The following SUN3 variants were observed in gnomAD, a reference collection of about 807,000 sequenced individuals.
The protein encoded by SUN3 is Sad1 and UNC84 domain containing 3.
SUN3 carries 36 observed loss-of-function variants against 48.2 expected under a neutral mutation model. The observed-to-expected ratio is 0.75, with a 90% CI of 0.57 to 0.99. The LOEUF is 0.99. Ranked by LOEUF, SUN3 falls within the 50% of genes least tolerant of loss-of-function variation. The pLI is 0.00. For synonymous variants in SUN3, 148 were observed against 147.9 expected (o/e 1.00, Z 0.00); for missense variants, 419 against 433.1 (o/e 0.97, Z 0.29).
At chr7:48,003,672 G>A (rs1789449886) in intron 6 of SUN3, among the ~76,000 whole-genome samples, 1 of 152,150 alleles carries the variant, frequency 6.6e-6, no homozygotes, top group African/African-American at 2.4e-5. Flanking sequence ...TGTGGCAATT[G>A]TGAATGGGAG....
intron 2 of SUN3, among the ~76,000 whole-genome samples, chr7:48,023,933 A>T (rs1790067139): frequency 6.6e-6 from 1 of 152,202 alleles, no homozygotes; most frequent in African/African-American, 2.4e-5. Context: ...AACCCATTCA[A>T]CTATAGCCAA....
chr7:48,007,877 G>T (rs1562606283), intron 4 of SUN3, among the ~76,000 whole-genome samples: 2 of 150,846 alleles, frequency 1.3e-5, no homozygotes, highest in Non-Finnish European at 2.9e-5. Context: ...AGGCTGGAGT[G>T]CAGTGGCGTG....
chr7:48,022,288 T>C (rs78320889), intron 2 of SUN3, among the ~76,000 whole-genome samples: 4,549 of 152,048 alleles, frequency 0.03, 225 homozygotes, highest in African/African-American at 0.1. Flanking sequence ...GTGTCGAAGA[T>C]GGAGGAGGTG....
Position 47,999,014 on chromosome 7 carries a change from G to T in SUN3, c.578-2868C>A, listed in dbSNP as rs139649314. 3.0e-3 allele frequency among the ~76,000 whole-genome samples: 453 copies of T among 152,174 alleles called. 5 individuals are homozygous for T. The highest frequency in any genetic ancestry group is 0.01 in the African/African-American group (422 of 41,524). On this transcript the variant is annotated intron_variant, in intron 6 of 9. Transcript: ENST00000297325. ...CCATTCCACATACATTTTGAAAATG[G>T]TTGTCAATTTCTACAAATAATCCTG...
intron 2 of SUN3, among the ~76,000 whole-genome samples, chr7:48,017,992 T>C (rs983145651): frequency 7.9e-5 from 12 of 152,156 alleles, no homozygotes; most frequent in African/African-American, 2.9e-4. Flanking sequence ...AGTCTCTTTC[T>C]GGAAAAAGGG....
chr7:48,008,973 G>A (rs962921635), intron 4 of SUN3, 62 bp downstream of exon 4: 34 of 1,515,518 alleles, frequency 2.2e-5, no homozygotes, highest in African/African-American at 2.8e-5. Flanking sequence ...TTTTCTGTAC[G>A]AAAACATTTC....
chr7:48,023,889 CAT>C (rs2128783570), intron 2 of SUN3, among the ~76,000 whole-genome samples: 1 of 152,256 alleles, frequency 6.6e-6, no homozygotes, highest in South Asian at 2.1e-4. Flanking sequence ...TAATGATAGA[CAT>C]ATAGACTAAT....
At chr7:48,024,763 C>T (rs1456769257) in intron 2 of SUN3, among the ~76,000 whole-genome samples, 1 of 152,076 alleles carries the variant, frequency 6.6e-6, no homozygotes, top group African/African-American at 2.4e-5. Context: ...CAAGAGAGAG[C>T]TGGGAGAAGT....
intron 2 of SUN3, among the ~76,000 whole-genome samples, chr7:48,019,802 G>C (rs1272095717): frequency 6.6e-6 from 1 of 151,668 alleles, no homozygotes; most frequent in African/African-American, 2.4e-5. Context: ...AAATCTCCCA[G>C]TAAAGAACAG....
At chr7:48,029,335 A>G (rs1790222722), upstream of SUN3, among the ~76,000 whole-genome samples, 1 of 152,252 alleles carries the variant, frequency 6.6e-6, no homozygotes, top group Admixed American at 6.5e-5. Context: ...AGAAAATATC[A>G]GAAATATAAT....
intron 9 of SUN3, 110 bp from the exon 10 acceptor site, chr7:47,987,559 G>T: frequency 1.9e-6 from 2 of 1,074,782 alleles, no homozygotes; most frequent in Middle Eastern, 3.3e-4. Flanking sequence ...TTCGAGATAG[G>T]ATCTGGCTCT....
chr7:48,012,161 A>G lies in SUN3; in HGVS notation c.289-3086T>C, dbSNP rs569977518. On this transcript the variant is annotated intron_variant, in intron 3 of 9. Transcript: ENST00000297325. ...TCATGACAAAGCCTATGTCAGGGAA[A>G]GCCTCATCAGATGTGAAAATGTCCA... Among the ~76,000 whole-genome samples, 31 of 152,344 alleles carry G rather than the reference A, an allele frequency of 2.0e-4. No individual in the cohort carries two copies. In the South Asian group the frequency reaches 5.6e-3, roughly 28 times the overall value.
chr7:47,994,235 G>A, intron 8 of SUN3, 80 bp downstream of exon 8: 3 of 1,381,660 alleles, frequency 2.2e-6, no homozygotes, highest in Non-Finnish European at 3.0e-6. Context: ...ATCTGTCCTA[G>A]TTCAGAGGAC....
chr7:48,000,460 G>A (rs2708883), intron 6 of SUN3, among the ~76,000 whole-genome samples: 66,108 of 152,086 alleles, frequency 0.43, 15,168 homozygotes, highest in Non-Finnish European at 0.51. Flanking sequence ...ACTCACAGAT[G>A]AGGCTGTTGC....
chr7:48,002,958 C>T (rs142108055), intron 6 of SUN3, among the ~76,000 whole-genome samples: 3,078 of 151,850 alleles, frequency 0.02, 92 homozygotes, highest in African/African-American at 0.07. Flanking sequence ...ATTGCCCTGG[C>T]CAGAACTTCT....
At chr7:47,995,896 AATGAG>A in intron 7 of SUN3, 130 bp downstream of exon 7, 1 of 526,876 alleles carries the variant, frequency 1.9e-6, no homozygotes, top group South Asian at 3.3e-5. Flanking sequence ...ATAAAAATAT[AATGAG>A]ATGATTTCAG....
intron 2 of SUN3, among the ~76,000 whole-genome samples, chr7:48,017,580 T>C (rs958122004): frequency 2.0e-5 from 3 of 152,004 alleles, no homozygotes; most frequent in Admixed American, 1.3e-4. Context: ...ACAGAATCAA[T>C]TTTTTTTGGA....
At chr7:48,005,462 G>A (rs556351215) in intron 6 of SUN3, among the ~76,000 whole-genome samples, 1 of 152,032 alleles carries the variant, frequency 6.6e-6, no homozygotes, top group Admixed American at 6.5e-5. Context: ...CTCCCACATT[G>A]TTCACTGAAC....
At chr7:48,008,941 G>T in intron 4 of SUN3, 94 bp downstream of exon 4, 2 of 1,151,446 alleles carry the variant, frequency 1.7e-6, no homozygotes, top group Non-Finnish European at 2.5e-6. Context: ...TTATTTCAGG[G>T]AGTAACTTTT....
Sources: gnomAD v4.1 joint callset for allele counts (sites outside exome capture counted in the v4.1 genomes callset) on GRCh38, gnomAD v4.1.1 for gene constraint, MANE v1.5 for transcripts, NCBI Gene and HGNC (gene_info 2026-07-23, HGNC 2026-07-21) for gene names.